Variants in USP54 observed in about 807,000 individuals in gnomAD.
The protein encoded by USP54 is ubiquitin carboxyl-terminal hydrolase 54.
In USP54, 87 loss-of-function variants were observed where a neutral mutation model predicts 170.5. The observed-to-expected ratio is 0.51, with a 90% CI of 0.43 to 0.61. USP54 has a LOEUF of 0.61. USP54 is among the 20% of genes least tolerant of loss of function. USP54 has a pLI of 0.00. For missense variants in USP54, 1,786 were observed against 2,047.8 expected (o/e 0.87, Z 2.47); for synonymous variants, 655 against 742.8 (o/e 0.88, Z 1.92).
intron 12 of USP54, among the ~76,000 whole-genome samples, chr10:73,533,051 A>G (rs1396201860): frequency 6.6e-6 from 1 of 152,222 alleles, no homozygotes; most frequent in East Asian, 1.9e-4. Context: ...TCACGCCTGT[A>G]ATCCCAGCAC....
At chr10:73,543,156 T>C in intron 5 of USP54, 25 bp from the exon 6 acceptor site, 1 of 1,498,656 alleles carries the variant, frequency 6.7e-7, no homozygotes, top group Non-Finnish European at 9.3e-7. Flanking sequence ...ACAAAAGCAG[T>C]ATACCAACAA....
At position 73,516,970 on chromosome 10, in the gene USP54, A is replaced by G; in HGVS notation, c.3456T>C (p.Asp1152=). Reference sequence around the variant, plus strand: ...TCCTTAGACTACCTGACAAACTTCTATCCTTGAAACCTGTACTATCCCTCA... The same window carrying G: ...TCCTTAGACTACCTGACAAACTTCTGTCCTTGAAACCTGTACTATCCCTCA... ...VSMRDSTGFK[D]RSLSGSLRKN... is the part of the protein sequence containing the mutation. Residue 1152 remains aspartate, a synonymous_variant, in exon 20 of 24, where the codon GAT becomes GAC. Transcript: ENST00000687698. The G allele has an allele frequency of 6.2e-6, 10 of 1,614,206 alleles. No individual in the cohort carries two copies. Among genetic ancestry groups the G allele is most frequent in the Non-Finnish European group, 8.5e-6 (10 of 1,180,028 alleles).
At chr10:73,588,819 A>G (rs966395400) in intron 1 of USP54, among the ~76,000 whole-genome samples, 17 of 152,310 alleles carry the variant, frequency 1.1e-4, no homozygotes, top group African/African-American at 3.8e-4. Flanking sequence ...GTATTTCTCA[A>G]TCAACGAATG....
chr10:73,532,353 T>A (rs2064180774), intron 12 of USP54, among the ~76,000 whole-genome samples: 1 of 152,156 alleles, frequency 6.6e-6, no homozygotes, highest in Non-Finnish European at 1.5e-5. Context: ...TTTGTATTTT[T>A]TTTAGTAGAG....
intron 15 of USP54, among the ~76,000 whole-genome samples, chr10:73,528,266 T>G (rs988393444): frequency 1.2e-4 from 18 of 151,494 alleles, no homozygotes; most frequent in Admixed American, 2.6e-4. Flanking sequence ...TTGTTTGTTT[T>G]TTTGAGATGG....
intron 1 of USP54, among the ~76,000 whole-genome samples, chr10:73,578,203 G>T (rs182810212): frequency 6.6e-6 from 1 of 152,320 alleles, no homozygotes; most frequent in East Asian, 1.9e-4. Flanking sequence ...CCAACTAGAA[G>T]TGAGAGCATA....
chr10:73,591,753 T>G (rs1159062039), upstream of USP54, among the ~76,000 whole-genome samples: 1 of 152,168 alleles, frequency 6.6e-6, no homozygotes, highest in Non-Finnish European at 1.5e-5. Context: ...CACAAAAAAA[T>G]TCCTTTGCAC....
At chr10:73,611,946 G>A (rs1031857905) in intron 1 of USP54, among the ~76,000 whole-genome samples, 1 of 149,868 alleles carries the variant, frequency 6.7e-6, no homozygotes, top group Non-Finnish European at 1.5e-5. Context: ...TCATCTCTAC[G>A]AAAAATACAA....
At chr10:73,581,530 A>G (rs761138760) in intron 1 of USP54, among the ~76,000 whole-genome samples, 3 of 152,086 alleles carry the variant, frequency 2.0e-5, no homozygotes, top group Non-Finnish European at 4.4e-5. Flanking sequence ...CCAATATCTC[A>G]TTTTCTGTTT....
chr10:73,575,797 C>A lies in USP54; in HGVS notation c.-18+1G>T. ...ATTTTGGAAGATTTTGACTTTACCA[C>A]CTTCCAAATATCATCTGTGTAGTCA... On this transcript the variant is annotated splice_donor_variant, in intron 2 of 23. Coordinates refer to ENST00000687698, the MANE Select transcript of USP54 (RefSeq NM_001391956.1). LOFTEE classifies it low-confidence loss of function (5UTR_SPLICE). The A allele has an allele frequency of 9.4e-7, 1 of 1,068,150 alleles. No homozygotes were observed. The highest frequency in any genetic ancestry group is 1.8e-5 in the South Asian group (1 of 55,680). 66.2% of individuals were successfully genotyped at this position (1,068,150 alleles called of 1,614,324 possible). A position where few individuals can be genotyped will look rare whatever the true frequency, so the allele number is the denominator to read the frequency against.
chr10:73,604,708 A>G (rs1175142353), intron 1 of USP54, among the ~76,000 whole-genome samples: 1 of 151,220 alleles, frequency 6.6e-6, no homozygotes. Flanking sequence ...CTCCTGCCTC[A>G]GCCTCCCAAG....
At chr10:73,558,668 T>C (rs535951317) in intron 4 of USP54, among the ~76,000 whole-genome samples, 14 of 152,258 alleles carry the variant, frequency 9.2e-5, no homozygotes, top group African/African-American at 3.1e-4. Flanking sequence ...CAGTGGTTCC[T>C]AGAGTGAATA....
chr10:73,535,439 C>T (rs756647794), intron 11 of USP54, among the ~76,000 whole-genome samples: 2 of 151,924 alleles, frequency 1.3e-5, no homozygotes, highest in Non-Finnish European at 2.9e-5. Flanking sequence ...GAAAGAAAGA[C>T]GTCAAAGTCA....
At chr10:73,554,543 G>A (rs1379652327) in intron 4 of USP54, among the ~76,000 whole-genome samples, 1 of 152,132 alleles carries the variant, frequency 6.6e-6, no homozygotes, top group Admixed American at 6.6e-5. Context: ...TCTTTTAAGA[G>A]GGGAAAAACA....
chr10:73,624,968 G>T (rs956467213), intron 1 of USP54, among the ~76,000 whole-genome samples: 3 of 152,078 alleles, frequency 2.0e-5, no homozygotes, highest in Non-Finnish European at 4.4e-5. Context: ...GCCTGCTGCT[G>T]CAATTAAAAA....
chr10:73,560,184 G>A (rs2072492403), intron 4 of USP54, among the ~76,000 whole-genome samples: 1 of 152,104 alleles, frequency 6.6e-6, no homozygotes, highest in Non-Finnish European at 1.5e-5. Context: ...TACCCACACT[G>A]GAAACACCAC....
intron 16 of USP54, among the ~76,000 whole-genome samples, chr10:73,524,318 G>C (rs934735406): frequency 1.3e-5 from 2 of 151,752 alleles, no homozygotes; most frequent in Non-Finnish European, 2.9e-5. Flanking sequence ...GGTGACTCAC[G>C]CCTGTAATCC....
intron 1 of USP54, among the ~76,000 whole-genome samples, chr10:73,588,023 T>C (rs2077725692): frequency 6.6e-6 from 1 of 152,198 alleles, no homozygotes; most frequent in Non-Finnish European, 1.5e-5. Context: ...TTATGATGAC[T>C]GACCATCCTC....
At chr10:73,569,963 C>CA (rs755776753) in intron 4 of USP54, among the ~76,000 whole-genome samples, 1 of 78,712 alleles carries the variant, frequency 1.3e-5, no homozygotes, top group Non-Finnish European at 2.6e-5. Context: ...TAATACTGGT[C>CA]AAAAAAAATT....
Sources: gnomAD v4.1 joint callset for allele counts (sites outside exome capture counted in the v4.1 genomes callset) on GRCh38, gnomAD v4.1.1 for gene constraint, MANE v1.5 for transcripts, NCBI Gene and HGNC (gene_info 2026-07-23, HGNC 2026-07-21) for gene names.